Variants in MCM6 observed in about 807,000 individuals in gnomAD.
MCM6 encodes DNA replication licensing factor MCM6.
In MCM6, 46 loss-of-function variants were observed where a neutral mutation model predicts 94.3. The observed-to-expected ratio is 0.49, with a 90% CI of 0.39 to 0.62. The LOEUF (loss-of-function observed/expected upper bound fraction) is 0.62. Among genes scored for constraint, MCM6 ranks in the 20% least tolerant of loss-of-function variants. MCM6 has a pLI of 0.00. For missense variants in MCM6, 865 were observed against 1,017.9 expected, an observed-to-expected ratio of 0.85 and a Z score of 2.04; for synonymous variants, 335 against 351.9, an observed-to-expected ratio of 0.95 and a Z score of 0.54.
chr2:135,846,391 A>G lies in MCM6; in HGVS notation c.2055T>C (p.Gly685=). The G allele has an allele frequency of 6.2e-7, 1 of 1,613,950 alleles. No individual in the cohort carries two copies. The highest frequency in any genetic ancestry group is 1.1e-5 in the South Asian group (1 of 91,046). Residue 685 remains glycine (G), a splice_region_variant and synonymous_variant, in exon 15 of 17, where the codon GGT becomes GGC. Transcript: ENST00000264156. ...EVDEGAGGIN[G]HADSPAPVNG... ...TCACAGGAGCAGGGCTGTCAGCATG[A>G]CCTAAGTGAAAAATTGACCACCTGA...
Position 135,851,555 on chromosome 2 carries a change from T to C in MCM6, c.1764A>G (p.Lys588=). 2 of 1,598,864 alleles carry C rather than the reference T, an allele frequency of 1.3e-6. No homozygotes were observed. Among genetic ancestry groups the C allele is most frequent in the Non-Finnish European group, 1.7e-6 (2 of 1,172,070 alleles). ...GCTCCACAATGAAGTCCTCTGACTC[T>C]TTGGAAATCTGTTTCAGATCATCAC... ...FARQFKPKIS[K]ESEDFIVEQY... The change falls in exon 13 of 17, where the codon AAA becomes AAG. Residue 588 remains lysine (K), a synonymous_variant. Coordinates refer to ENST00000264156, the MANE Select transcript of MCM6 (RefSeq NM_005915.6).
intron 7 of MCM6, among the ~76,000 whole-genome samples, chr2:135,863,240 T>C (rs1680028259): frequency 6.6e-6 from 1 of 152,212 alleles, no homozygotes; most frequent in African/African-American, 2.4e-5. Context: ...GTGGATTAAA[T>C]AAGATGCTGA....
In MCM6 at chr2:135,867,327, T is replaced by A. The variant is rs143029284; in HGVS notation, c.616-599A>T. 2.8e-3 allele frequency among the ~76,000 whole-genome samples: 433 copies of A among 152,236 alleles called. 3 individuals are homozygous for A. Among genetic ancestry groups the A allele is most frequent in the South Asian group, 0.02 (95 of 4,826 alleles). ...TACATATCTTCTATTATCTAGTCCA[T>A]CTTCAAATGTCTTGTCAAGAGTGTC... On this transcript the variant is annotated intron_variant, in intron 4 of 16. Transcript: ENST00000264156.
intron 12 of MCM6, among the ~76,000 whole-genome samples, chr2:135,852,517 T>C (rs1406880007): frequency 1.3e-5 from 2 of 152,226 alleles, no homozygotes; most frequent in Non-Finnish European, 2.9e-5. Context: ...AAGAATGTTC[T>C]AGATTATCCA....
intron 8 of MCM6, among the ~76,000 whole-genome samples, chr2:135,860,059 C>T (rs1679960200): frequency 6.6e-6 from 1 of 152,138 alleles, no homozygotes; most frequent in African/African-American, 2.4e-5. Flanking sequence ...CTACTTTGGC[C>T]TCCCAAAGTG....
At chr2:135,852,956 T>C (rs567878220) in intron 11 of MCM6, 41 bp from the exon 12 acceptor site, 3 of 1,551,794 alleles carry the variant, frequency 1.9e-6, no homozygotes, top group African/African-American at 2.8e-5. Flanking sequence ...GTCACAGCAA[T>C]ATCTTCTCCA....
intron 8 of MCM6, among the ~76,000 whole-genome samples, chr2:135,862,181 T>C (rs1680007425): frequency 6.6e-6 from 1 of 151,704 alleles, no homozygotes; most frequent in South Asian, 2.1e-4. Flanking sequence ...AAAAGAAACA[T>C]GGAAAAAATG....
At chr2:135,859,482 T>C (rs1679948280) in intron 8 of MCM6, 40 bp from the exon 9 acceptor site, 2 of 1,468,668 alleles carry the variant, frequency 1.4e-6, no homozygotes, top group Non-Finnish European at 9.3e-7. Context: ...TAATATGTGA[T>C]TATACAGCAC....
chr2:135,875,709 T>G (rs1680282030), intron 1 of MCM6, among the ~76,000 whole-genome samples: 1 of 152,156 alleles, frequency 6.6e-6, no homozygotes, highest in Non-Finnish European at 1.5e-5. Flanking sequence ...AGGGATATGG[T>G]GAGCTACTCT....
chr2:135,843,979 TTGCACTGGGCAGTGC>T, intron 16 of MCM6, among the ~76,000 whole-genome samples: 1 of 152,098 alleles, frequency 6.6e-6, no homozygotes, highest in South Asian at 2.1e-4. Context: ...GGAAAAGGAA[TTGCACTGGGCAGTGC>T]TGTCATGAGG....
In MCM6 at chr2:135,856,684, C is replaced by T. The variant is rs1266986270; in HGVS notation, c.1626+44G>A. 2.5e-6 allele frequency: 4 copies of T among 1,594,906 alleles called. No homozygotes were observed. Among genetic ancestry groups the T allele is most frequent in the African/African-American group, 1.3e-5 (1 of 74,338 alleles). ...GTGTATCTTCCAGCCTTGTCTCACT[C>T]GATTACTCCAACTGGAAATAAAAAA... is the stretch of plus-strand genomic sequence containing the variant. On this transcript the variant is annotated intron_variant, in intron 11 of 16. Transcript: ENST00000264156.
At chr2:135,869,045 T>C (rs1334970665) in intron 3 of MCM6, among the ~76,000 whole-genome samples, 185 bp from the exon 4 acceptor site, 2 of 152,128 alleles carry the variant, frequency 1.3e-5, no homozygotes, top group Non-Finnish European at 2.9e-5. Flanking sequence ...ATATGACGTA[T>C]ATGTATCCAG....
chr2:135,847,233 G>C (rs1295192038), intron 14 of MCM6, among the ~76,000 whole-genome samples: 1 of 152,064 alleles, frequency 6.6e-6, no homozygotes, highest in African/African-American at 2.4e-5. Context: ...GGGCAATATG[G>C]CGAGATCCTG....
intron 16 of MCM6, among the ~76,000 whole-genome samples, chr2:135,841,202 T>TAC (rs1393005794): frequency 4.6e-5 from 7 of 152,196 alleles, no homozygotes; most frequent in Non-Finnish European, 1.0e-4. Context: ...TTAAATATAT[T>TAC]ACATCAAATG....
intron 11 of MCM6, among the ~76,000 whole-genome samples, chr2:135,854,549 A>AAC: frequency 4.0e-5 from 1 of 24,862 alleles, no homozygotes; most frequent in East Asian, 9.4e-4. Flanking sequence ...AAAAAAAAAA[A>AAC]AAGAGAAAAA....
chr2:135,871,632 A>T (rs1381421558), intron 2 of MCM6, among the ~76,000 whole-genome samples: 2 of 152,274 alleles, frequency 1.3e-5, no homozygotes, highest in East Asian at 3.8e-4. Context: ...AGTCAAAACA[A>T]AATAAAAGCC....
intron 7 of MCM6, 97 bp downstream of exon 7, chr2:135,864,916 T>C: frequency 1.0e-6 from 1 of 995,128 alleles, no homozygotes; most frequent in East Asian, 2.8e-5. Context: ...CTAAAAACTT[T>C]CACAGTCTGA....
chr2:135,842,166 A>C (rs1679584999), intron 16 of MCM6, among the ~76,000 whole-genome samples: 1 of 152,142 alleles, frequency 6.6e-6, no homozygotes, highest in South Asian at 2.1e-4. Context: ...TTAGCTTCAC[A>C]GTGTGTTCCA....
Position 135,872,700 on chromosome 2 carries a change from T to C in MCM6, c.251A>G (p.Tyr84Cys), listed in dbSNP as rs771924466. The change falls in exon 2 of 17, where the codon TAT (tyrosine) becomes TGT (cysteine). Residue 84 changes from tyrosine (Y) to cysteine (C), a missense_variant. By Grantham distance (194) the Tyr-to-Cys change is radical. Transcript: ENST00000264156. Reference protein sequence around the residue: ...QLSTTIQEEFYRVYPYLCRAL... With the variant: ...QLSTTIQEEFCRVYPYLCRAL... ...AAGAAGATTAATATGCCCATACCTATAGAACTCCTCTTGAATGGTGGTGGA... is the reference window on the plus strand; with the variant it reads ...AAGAAGATTAATATGCCCATACCTACAGAACTCCTCTTGAATGGTGGTGGA... The C allele has an allele frequency of 8.7e-6, 14 of 1,614,040 alleles. No homozygotes were observed. The highest frequency in any genetic ancestry group is 6.7e-5 in the African/African-American group (5 of 74,928).
Sources: gnomAD v4.1 joint callset for allele counts (sites outside exome capture counted in the v4.1 genomes callset) on GRCh38, gnomAD v4.1.1 for gene constraint, MANE v1.5 for transcripts, NCBI Gene and HGNC (gene_info 2026-07-23, HGNC 2026-07-21) for gene names.